Variants in SLC4A10 observed in about 807,000 individuals in gnomAD.
SLC4A10 encodes sodium-driven chloride bicarbonate exchanger.
Under a neutral mutation model 137.7 loss-of-function variants are expected in SLC4A10, and 42 were observed. The ratio of observed to expected loss-of-function variants is 0.30; its 90% CI spans 0.24 to 0.39. The LOEUF is 0.39. Ranked by LOEUF, SLC4A10 falls within the 10% of genes least tolerant of loss-of-function variation. The probability of loss-of-function intolerance (pLI) is 1.00; values close to 1 mark genes in which losing one functional copy is unlikely to be tolerated. For missense variants in SLC4A10, 925 were observed against 1,355.0 expected, an observed-to-expected ratio of 0.68 and a Z score of 4.98; for synonymous variants, 474 against 464.1, an observed-to-expected ratio of 1.02 and a Z score of -0.27.
At chr2:161,920,055 G>A (rs1396541096) in intron 15 of SLC4A10, among the ~76,000 whole-genome samples, 2 of 152,208 alleles carry the variant, frequency 1.3e-5, no homozygotes, top group Non-Finnish European at 2.9e-5. Flanking sequence ...CACCACAGCA[G>A]CCAGCATGCC....
chr2:161,855,911 T>A (rs2060072788), intron 5 of SLC4A10, among the ~76,000 whole-genome samples: 1 of 152,108 alleles, frequency 6.6e-6, no homozygotes, highest in South Asian at 2.1e-4. Flanking sequence ...TTCCATATGA[T>A]TTGTATTTGT....
In SLC4A10 at chr2:161,873,814, A is replaced by G. The variant is rs548362242; in HGVS notation, c.859-102A>G. On this transcript the variant is annotated intron_variant, in intron 7 of 26. Coordinates refer to ENST00000446997, the MANE Select transcript of SLC4A10 (RefSeq NM_001178015.2). ...TTCAGAATCCCTCTGACAATGCCTA[A>G]ATAATCTAGATCTAGTTACGTGCAT... 7.8e-5 allele frequency: 93 copies of G among 1,188,612 alleles called. No individual in the cohort carries two copies. The South Asian group carries it at 1.2e-3, about 15-fold the overall frequency. 73.6% of individuals were successfully genotyped at this position (1,188,612 alleles called of 1,614,324 possible). A position where few individuals can be genotyped will look rare whatever the true frequency, so the allele number is the denominator to read the frequency against.
intron 3 of SLC4A10, among the ~76,000 whole-genome samples, chr2:161,825,347 G>T (rs1404097637): frequency 6.6e-6 from 1 of 152,058 alleles, no homozygotes; most frequent in East Asian, 1.9e-4. Flanking sequence ...TGGAGGTAAA[G>T]CAGGAAAGTT....
chr2:161,624,524 G>GTT lies in SLC4A10; in HGVS notation c.6_7insTT (p.Ile3LeufsTer41). On this transcript the variant is annotated frameshift_variant, in exon 1 of 27. Transcript: ENST00000446997. LOFTEE classifies it high-confidence loss of function. ...TTCCAGAGGCGTTACAAAACATGGA[G>GTT]ATTAAAGACCAGGGAGCCCAAATGG... 6.4e-7 allele frequency: 1 copy of GTT among 1,553,912 alleles called. No homozygotes were observed. Among genetic ancestry groups the GTT allele is most frequent in the Non-Finnish European group, 8.7e-7 (1 of 1,148,354 alleles).
intron 15 of SLC4A10, among the ~76,000 whole-genome samples, chr2:161,906,267 T>G (rs1684333135): frequency 1.3e-5 from 2 of 152,298 alleles, no homozygotes; most frequent in South Asian, 2.1e-4. Flanking sequence ...GTAATGAAAA[T>G]ATAAGATTTC....
intron 1 of SLC4A10, among the ~76,000 whole-genome samples, chr2:161,668,230 C>T (rs1031459896): frequency 6.6e-6 from 1 of 151,692 alleles, no homozygotes; most frequent in African/African-American, 2.4e-5. Flanking sequence ...ATAAATGCAG[C>T]TAAAGGGGAG....
intron 1 of SLC4A10, among the ~76,000 whole-genome samples, chr2:161,727,701 G>T (rs2046377473): frequency 6.6e-6 from 1 of 151,908 alleles, no homozygotes; most frequent in Non-Finnish European, 1.5e-5. Flanking sequence ...TAAAGATGAG[G>T]TAATCTCCAA....
chr2:161,833,406 T>A (rs187807219), intron 3 of SLC4A10, among the ~76,000 whole-genome samples: 1 of 152,318 alleles, frequency 6.6e-6, no homozygotes, highest in East Asian at 1.9e-4. Context: ...CATTAATTAG[T>A]ATTGCACTCT....
intron 1 of SLC4A10, among the ~76,000 whole-genome samples, chr2:161,721,004 G>C (rs1163227823): frequency 1.3e-5 from 2 of 151,680 alleles, no homozygotes; most frequent in Non-Finnish European, 2.9e-5. Flanking sequence ...AATTTTTGTA[G>C]TTTTAGCAGA....
chr2:161,758,152 A>T lies in SLC4A10; in HGVS notation c.49-12821A>T, dbSNP rs543041993. 4.6e-5 allele frequency among the ~76,000 whole-genome samples: 7 copies of T among 152,008 alleles called. No homozygotes were observed. In the East Asian group the frequency reaches 9.7e-4, roughly 21 times the overall value. ...TAAAATTGCAATGAAATGTAGTGTCATTATTTTAGTAAATTACATGTATAC... is the reference window on the plus strand; with the variant it reads ...TAAAATTGCAATGAAATGTAGTGTCTTTATTTTAGTAAATTACATGTATAC... On this transcript the variant is annotated intron_variant, in intron 1 of 26. Coordinates refer to ENST00000446997, the MANE Select transcript of SLC4A10 (RefSeq NM_001178015.2).
At chr2:161,928,125 A>C (rs1451926198) in intron 15 of SLC4A10, among the ~76,000 whole-genome samples, 1 of 150,632 alleles carries the variant, frequency 6.6e-6, no homozygotes, top group African/African-American at 2.5e-5. Flanking sequence ...ACCAACCCAA[A>C]TGTCCAACAG....
Position 161,650,842 on chromosome 2 carries a change from A to G in SLC4A10, c.48+26276A>G, listed in dbSNP as rs56022510. On this transcript the variant is annotated intron_variant, in intron 1 of 26. Coordinates refer to ENST00000446997, the MANE Select transcript of SLC4A10 (RefSeq NM_001178015.2). The stretch of plus-strand genomic sequence containing the variant: ...TGGGAGCAGCTAGGCATGGGCCTAC[A>G]GGTGTACCTCAGCAGGAACAGCCTG... Among the ~76,000 whole-genome samples, 65 of 152,266 alleles carry G rather than the reference A, an allele frequency of 4.3e-4. 1 individual carries two copies. The East Asian group carries it at 9.9e-3, about 23-fold the overall frequency.
chr2:161,910,280 G>A (rs1685518826), intron 15 of SLC4A10, among the ~76,000 whole-genome samples: 2 of 151,994 alleles, frequency 1.3e-5, no homozygotes. Context: ...GTAATATACA[G>A]ACCTTATATT....
At chr2:161,758,055 T>A (rs2049858888) in intron 1 of SLC4A10, among the ~76,000 whole-genome samples, 1 of 152,022 alleles carries the variant, frequency 6.6e-6, no homozygotes, top group South Asian at 2.1e-4. Flanking sequence ...ACGTTATTTT[T>A]ATTTCCTCTT....
chr2:161,811,247 G>A (rs995992057), intron 3 of SLC4A10, among the ~76,000 whole-genome samples: 1 of 151,598 alleles, frequency 6.6e-6, no homozygotes, highest in African/African-American at 2.4e-5. Flanking sequence ...GCTTATTTGG[G>A]TCTTCTCTTT....
At chr2:161,866,793 T>C (rs2060787499) in intron 6 of SLC4A10, among the ~76,000 whole-genome samples, 1 of 151,928 alleles carries the variant, frequency 6.6e-6, no homozygotes, top group Non-Finnish European at 1.5e-5. Flanking sequence ...ATTTAGGTCA[T>C]GTATTCAATT....
chr2:161,705,220 T>C (rs2043527566), intron 1 of SLC4A10, among the ~76,000 whole-genome samples: 1 of 151,550 alleles, frequency 6.6e-6, no homozygotes, highest in Non-Finnish European at 1.5e-5. Context: ...TTTCAAACAG[T>C]GACTTATATT....
At position 161,868,330 on chromosome 2, in the gene SLC4A10, G is replaced by A. The variant is rs1315851284; in HGVS notation, c.767-3963G>A. Among the ~76,000 whole-genome samples, 4 of 151,670 alleles carry A rather than the reference G, an allele frequency of 2.6e-5. No homozygotes were observed. In the South Asian group the frequency reaches 8.3e-4, roughly 31 times the overall value. ...TTCCTTCCTTTATGATAAAGAAACTGTATGATAAAGAAAATGACTTTACCA... is the reference window on the plus strand; with the variant it reads ...TTCCTTCCTTTATGATAAAGAAACTATATGATAAAGAAAATGACTTTACCA... On this transcript the variant is annotated intron_variant, in intron 6 of 26. Transcript: ENST00000446997.
At chr2:161,910,881 A>G (rs1685669733) in intron 15 of SLC4A10, among the ~76,000 whole-genome samples, 1 of 152,052 alleles carries the variant, frequency 6.6e-6, no homozygotes, top group Non-Finnish European at 1.5e-5. Context: ...CCTTTAAAGT[A>G]GAAAACATTT....
Sources: allele counts gnomAD v4.1 joint callset (sites outside exome capture counted in the v4.1 genomes callset), GRCh38; gene constraint gnomAD v4.1.1; transcripts MANE v1.5; gene names NCBI Gene and HGNC (gene_info 2026-07-23, HGNC 2026-07-21).